Variants in SLC14A2 observed in about 807,000 individuals in gnomAD.
SLC14A2 encodes the protein solute carrier family 14 member 2, also known as urea transporter 2.
In SLC14A2, 91 loss-of-function variants were observed where a neutral mutation model predicts 104.6. The ratio of observed to expected loss-of-function variants is 0.87; its 90% CI spans 0.73 to 1.04. The LOEUF is 1.04. SLC14A2 is among the 50% of genes least tolerant of loss of function. The probability of loss-of-function intolerance (pLI) is 0.00; values close to 1 mark genes in which losing one functional copy is unlikely to be tolerated. For missense variants in SLC14A2, 1,189 were observed against 1,156.0 expected, an observed-to-expected ratio of 1.03 and a Z score of -0.41; for synonymous variants, 476 against 466.4, an observed-to-expected ratio of 1.02 and a Z score of -0.27.
chr18:45,425,918 TC>T (rs2086418824), intron 1 of SLC14A2, among the ~76,000 whole-genome samples: 2 of 152,094 alleles, frequency 1.3e-5, no homozygotes, highest in South Asian at 4.2e-4. Flanking sequence ...CTGTGTGCTG[TC>T]CCCGACTTCA....
intron 1 of SLC14A2, among the ~76,000 whole-genome samples, chr18:45,270,247 C>T (rs1315418049): frequency 2.0e-5 from 3 of 152,122 alleles, no homozygotes; most frequent in Admixed American, 6.5e-5. Context: ...TTCTCATCAC[C>T]TTTTCCCACT....
At chr18:45,555,789 G>A (rs1210679172) in intron 2 of SLC14A2, among the ~76,000 whole-genome samples, 1 of 152,156 alleles carries the variant, frequency 6.6e-6, no homozygotes, top group Non-Finnish European at 1.5e-5. Flanking sequence ...GCCAAGGGCT[G>A]GGTAACATTA....
At chr18:45,473,540 C>A (rs1193774111) in intron 1 of SLC14A2, among the ~76,000 whole-genome samples, 1 of 152,110 alleles carries the variant, frequency 6.6e-6, no homozygotes, top group Non-Finnish European at 1.5e-5. Flanking sequence ...TTTTTGTGTC[C>A]TCTCTTATTT....
chr18:45,493,803 C>T (rs1224168559), intron 2 of SLC14A2, among the ~76,000 whole-genome samples: 2 of 152,172 alleles, frequency 1.3e-5, no homozygotes, highest in South Asian at 4.1e-4. Flanking sequence ...TCACTGCATA[C>T]ATTAGGCATT....
At chr18:45,271,276 G>A (rs2084648211) in intron 1 of SLC14A2, among the ~76,000 whole-genome samples, 1 of 152,118 alleles carries the variant, frequency 6.6e-6, no homozygotes, top group South Asian at 2.1e-4. Flanking sequence ...TTAGTGGCTG[G>A]GCCAGTCCAG....
At chr18:45,229,587 T>C (rs1481190157) in intron 1 of SLC14A2, among the ~76,000 whole-genome samples, 3 of 152,138 alleles carry the variant, frequency 2.0e-5, no homozygotes, top group African/African-American at 7.2e-5. Context: ...AGCACAGCCA[T>C]ACCTACACGA....
chr18:45,562,807 CTGGG>C (rs892277948), intron 2 of SLC14A2, among the ~76,000 whole-genome samples: 13 of 151,464 alleles, frequency 8.6e-5, no homozygotes, highest in African/African-American at 2.9e-4. Flanking sequence ...GGGGAAGGGG[CTGGG>C]TGGGAAACAA....
the SLC14A2 span, among the ~76,000 whole-genome samples, chr18:45,203,600 TATAG>T: frequency 6.6e-6 from 1 of 152,198 alleles, no homozygotes; most frequent in African/African-American, 2.4e-5. Flanking sequence ...TAGCCAATAG[TATAG>T]ATAATTTGCA....
intron 1 of SLC14A2, among the ~76,000 whole-genome samples, chr18:45,391,564 T>G (rs1010419298): frequency 2.0e-5 from 3 of 152,176 alleles, no homozygotes; most frequent in Non-Finnish European, 4.4e-5. Flanking sequence ...TGTTCCTATT[T>G]CTCCACATCC....
At chr18:45,651,864 G>A (rs182958677) in intron 10 of SLC14A2, among the ~76,000 whole-genome samples, 1 of 152,296 alleles carries the variant, frequency 6.6e-6, no homozygotes, top group African/African-American at 2.4e-5. Context: ...TTACCAAAAT[G>A]CTCAACATGG....
the SLC14A2 span, among the ~76,000 whole-genome samples, chr18:45,187,889 T>C: frequency 5.8e-4 from 89 of 152,286 alleles, no homozygotes; most frequent in Non-Finnish European, 1.1e-3. Flanking sequence ...CTTATGCCAG[T>C]GGGTGTTACA....
chr18:45,524,376 G>A (rs2043561069), intron 2 of SLC14A2, among the ~76,000 whole-genome samples: 1 of 152,196 alleles, frequency 6.6e-6, no homozygotes, highest in South Asian at 2.1e-4. Context: ...CAACTCAGCT[G>A]GGACTTGAAG....
In SLC14A2 at chr18:45,679,016, T is replaced by C. The variant is rs2046273110; in HGVS notation, c.2554T>C (p.Leu852=). The C allele has an allele frequency of 6.2e-7, 1 of 1,611,626 alleles. No individual in the cohort carries two copies. Among genetic ancestry groups the C allele is most frequent in the African/African-American group, 1.3e-5 (1 of 74,698 alleles). Residue 852 remains leucine, a synonymous_variant, in exon 19 of 20, where the codon TTA becomes CTA. Coordinates refer to ENST00000255226, the MANE Select transcript of SLC14A2 (RefSeq NM_007163.4). ...AYLGAALANM[L]SVFGLPPCTW... is the part of the protein sequence containing the mutation. ...CCTGGGTGCTGCCCTGGCTAACATG[T>C]TATCTGTGGTGAGTCAACACAGGCT...
At position 45,270,059 on chromosome 18, in the gene SLC14A2, A is replaced by G. The variant is rs533302924; in HGVS notation, c.-125+56868A>G. 3.9e-5 allele frequency among the ~76,000 whole-genome samples: 6 copies of G among 152,312 alleles called. No homozygotes were observed. In the East Asian group the frequency reaches 7.7e-4, roughly 20 times the overall value. ...TAGGGCTTTAACAGATATTTGCATT[A>G]AATAAACTGCCTTTGACTGATGATG... On this transcript the variant is annotated intron_variant, in intron 1 of 20. Transcript: ENST00000586448.
intron 2 of SLC14A2, among the ~76,000 whole-genome samples, chr18:45,533,809 C>G: frequency 6.6e-6 from 1 of 152,120 alleles, no homozygotes; most frequent in Non-Finnish European, 1.5e-5. Context: ...AGTTTTAGAT[C>G]TTTCCTGCTT....
intron 1 of SLC14A2, among the ~76,000 whole-genome samples, chr18:45,366,414 C>G (rs1023728221): frequency 6.6e-6 from 1 of 152,178 alleles, no homozygotes; most frequent in Non-Finnish European, 1.5e-5. Flanking sequence ...ATCAGAGAGA[C>G]AAAGGCACCA....
At chr18:45,657,698 T>C (rs1435673177) in intron 10 of SLC14A2, among the ~76,000 whole-genome samples, 1 of 152,168 alleles carries the variant, frequency 6.6e-6, no homozygotes, top group Non-Finnish European at 1.5e-5. Context: ...GCTCTGCCAA[T>C]AGCTGTGTGG....
At chr18:45,288,124 A>C (rs553569947) in intron 1 of SLC14A2, among the ~76,000 whole-genome samples, 132 of 152,294 alleles carry the variant, frequency 8.7e-4, no homozygotes, top group African/African-American at 3.0e-3. Flanking sequence ...AATGAGATGA[A>C]GAAAGTGAGT....
Position 45,459,675 on chromosome 18 carries a change from G to A in SLC14A2, c.-124-23558G>A, listed in dbSNP as rs184632036. 2.2e-3 allele frequency among the ~76,000 whole-genome samples: 341 copies of A among 152,254 alleles called. 1 individual carries two copies. The highest frequency in any genetic ancestry group is 7.8e-3 in the African/African-American group (326 of 41,560). On this transcript the variant is annotated intron_variant, in intron 1 of 20. Coordinates refer to the SLC14A2 transcript ENST00000586448. ...CTGCTCAGAAAGCACACACAGAATC[G>A]GGACATCTCCAGCCCCCTCCTGGCC... is the stretch of plus-strand genomic sequence containing the variant.
Sources: gnomAD v4.1 joint callset for allele counts (sites outside exome capture counted in the v4.1 genomes callset) on GRCh38, gnomAD v4.1.1 for gene constraint, MANE v1.5 for transcripts, NCBI Gene and HGNC (gene_info 2026-07-23, HGNC 2026-07-21) for gene names.